The following FRMPD2 variants were observed in gnomAD, a reference collection of about 807,000 sequenced individuals.
FRMPD2 encodes the protein FERM and PDZ domain containing 2.
Under a neutral mutation model 140.1 loss-of-function variants are expected in FRMPD2, and 96 were observed. That is an observed-to-expected ratio of 0.69 (90% CI 0.58 to 0.81). FRMPD2 has a LOEUF of 0.81. Among genes scored for constraint, FRMPD2 ranks in the 40% least tolerant of loss-of-function variants. The pLI is 0.00. For missense variants in FRMPD2, 1,240 were observed against 1,447.4 expected, an observed-to-expected ratio of 0.86 and a Z score of 2.32; for synonymous variants, 449 against 547.6, an observed-to-expected ratio of 0.82 and a Z score of 2.52.
chr10:48,181,650 C>T (rs1554792688), intron 20 of FRMPD2, among the ~76,000 whole-genome samples: 23 of 151,782 alleles, frequency 1.5e-4, no homozygotes, highest in African/African-American at 5.1e-4. Flanking sequence ...AAGAAAAGAA[C>T]GTGAGGTTGT....
At chr10:48,208,939 G>C (rs996623772) in intron 13 of FRMPD2, among the ~76,000 whole-genome samples, 3 of 152,100 alleles carry the variant, frequency 2.0e-5, no homozygotes, top group Non-Finnish European at 4.4e-5. Flanking sequence ...ATTCATCAAG[G>C]GGTTCAGAAT....
At chr10:48,252,790 T>A (rs1175870590) in intron 1 of FRMPD2, among the ~76,000 whole-genome samples, 1 of 152,218 alleles carries the variant, frequency 6.6e-6, no homozygotes, top group African/African-American at 2.4e-5. Context: ...AGACAGGAAA[T>A]AAGTCCAAGG....
At chr10:48,243,106 G>A (rs747330126) in intron 4 of FRMPD2, among the ~76,000 whole-genome samples, 15 of 152,220 alleles carry the variant, frequency 9.9e-5, no homozygotes, top group Admixed American at 3.9e-4. Context: ...CCAAGCTGCT[G>A]AGTCCTGCCG....
chr10:48,241,940 C>G (rs956005760), intron 5 of FRMPD2: 1 of 346,042 alleles, frequency 2.9e-6, no homozygotes, highest in South Asian at 8.0e-5. Flanking sequence ...TTTGTTAGCA[C>G]TGCCCAATAG....
chr10:48,187,313 G>C, intron 16 of FRMPD2, 21 bp from the exon 17 acceptor site: 2 of 1,606,434 alleles, frequency 1.2e-6, no homozygotes, highest in South Asian at 1.1e-5. Flanking sequence ...AAGAAAATGA[G>C]GTTAGATAAG....
intron 15 of FRMPD2, among the ~76,000 whole-genome samples, chr10:48,199,285 A>C (rs894369554): frequency 1.3e-5 from 2 of 152,024 alleles, no homozygotes; most frequent in Admixed American, 6.6e-5. Flanking sequence ...AAAAAAAAAA[A>C]AAACCCTACT....
chr10:48,255,833 T>G (rs572870555), intron 1 of FRMPD2, among the ~76,000 whole-genome samples: 7 of 152,058 alleles, frequency 4.6e-5, no homozygotes, highest in Non-Finnish European at 1.0e-4. Context: ...ACAACAGAGT[T>G]TGGCAGATTC....
intron 9 of FRMPD2, among the ~76,000 whole-genome samples, chr10:48,234,074 C>G (rs996930780): frequency 6.6e-6 from 1 of 152,190 alleles, no homozygotes; most frequent in Non-Finnish European, 1.5e-5. Context: ...CTTGGGGGAC[C>G]ACTGATTGTC....
At chr10:48,273,572 T>A (rs1390765377) in intron 1 of FRMPD2, among the ~76,000 whole-genome samples, 1 of 152,152 alleles carries the variant, frequency 6.6e-6, no homozygotes, top group Non-Finnish European at 1.5e-5. Context: ...AGTGTTCGCT[T>A]AGCATTAAAG....
intron 10 of FRMPD2, among the ~76,000 whole-genome samples, chr10:48,227,642 A>G (rs1425784818): frequency 6.6e-6 from 1 of 152,192 alleles, no homozygotes; most frequent in Non-Finnish European, 1.5e-5. Context: ...TTGAGTCACA[A>G]TTGAAGTGGT....
At chr10:48,172,368 T>C (rs1838280913) in intron 25 of FRMPD2, among the ~76,000 whole-genome samples, 1 of 150,312 alleles carries the variant, frequency 6.7e-6, no homozygotes, top group South Asian at 2.2e-4. Flanking sequence ...GACTAAAACA[T>C]GGCTAAGGTC....
chr10:48,183,279 C>T (rs904335298), intron 20 of FRMPD2, among the ~76,000 whole-genome samples: 6 of 152,116 alleles, frequency 3.9e-5, no homozygotes, highest in Non-Finnish European at 5.9e-5. Flanking sequence ...AATTTGCAGG[C>T]GGTCTGCTGT....
At chr10:48,181,299 T>C in intron 20 of FRMPD2, among the ~76,000 whole-genome samples, 1 of 152,294 alleles carries the variant, frequency 6.6e-6, no homozygotes, top group Non-Finnish European at 1.5e-5. Context: ...AGCCATGTGA[T>C]GGGCACCTTA....
intron 25 of FRMPD2, 122 bp downstream of exon 25, chr10:48,172,824 T>C (rs1367016): frequency 1.4e-5 from 12 of 859,408 alleles, no homozygotes; most frequent in African/African-American, 3.3e-5. Context: ...GCATGATCAC[T>C]ATGGCTCGCT....
chr10:48,162,827 G>A (rs1837977828), intron 28 of FRMPD2, among the ~76,000 whole-genome samples: 2 of 133,236 alleles, frequency 1.5e-5, no homozygotes, highest in East Asian at 2.4e-4. Flanking sequence ...GCTGGTGCCT[G>A]TAGACCCAGC....
intron 1 of FRMPD2, among the ~76,000 whole-genome samples, chr10:48,271,164 T>A (rs758187105): frequency 6.6e-6 from 1 of 152,048 alleles, no homozygotes; most frequent in African/African-American, 2.4e-5. Context: ...CTTTCCCCCA[T>A]GGCCTTTTTC....
Position 48,223,177 on chromosome 10 carries a change from G to A in FRMPD2, c.1262C>T (p.Thr421Ile), listed in dbSNP as rs1839647637. The change falls in exon 11 of 29, where the codon ACC becomes ATC. Residue 421 changes from threonine (T) to isoleucine (I), a missense_variant. Coordinates refer to ENST00000374201, the MANE Select transcript of FRMPD2 (RefSeq NM_001018071.4). The stretch of plus-strand genomic sequence containing the variant: ...CTTTATCCTCAGGAAGAGTGTGAAG[G>A]TATTCATGGAGGTCTTCTGAGGCTG... ...REQPQKTSMN[T>I]FTLFLRIKFF... 1.2e-6 allele frequency: 2 copies of A among 1,614,040 alleles called. No homozygotes were observed. The highest frequency in any genetic ancestry group is 1.7e-6 in the Non-Finnish European group (2 of 1,179,898).
chr10:48,193,980 G>A (rs1035157527), intron 15 of FRMPD2, among the ~76,000 whole-genome samples: 6 of 152,170 alleles, frequency 3.9e-5, no homozygotes, highest in African/African-American at 1.4e-4. Flanking sequence ...ACATACAGTA[G>A]GCAAAAAGCA....
chr10:48,236,635 G>T, intron 8 of FRMPD2, 82 bp from the exon 9 acceptor site: 2 of 1,272,038 alleles, frequency 1.6e-6, no homozygotes, highest in Non-Finnish European at 1.1e-6. Context: ...ATGCACCTCT[G>T]CAGCCCCCAC....
Sources: gnomAD v4.1 joint callset for allele counts (sites outside exome capture counted in the v4.1 genomes callset) on GRCh38, gnomAD v4.1.1 for gene constraint, MANE v1.5 for transcripts, NCBI Gene and HGNC (gene_info 2026-07-23, HGNC 2026-07-21) for gene names.